DYRK1A: variants seen among roughly 807,000 people sequenced by gnomAD.
DYRK1A encodes dual specificity tyrosine phosphorylation regulated kinase 1A, also known as dual specificity tyrosine-phosphorylation-regulated kinase 1A.
DYRK1A carries 9 observed loss-of-function variants against 79.7 expected under a neutral mutation model. That is an observed-to-expected ratio of 0.11 (90% CI 0.07 to 0.20). DYRK1A has a LOEUF of 0.20. Among genes scored for constraint, DYRK1A ranks in the 10% least tolerant of loss-of-function variants. The pLI is 1.00. For missense variants in DYRK1A, 622 were observed against 956.0 expected (o/e 0.65, Z 4.61); for synonymous variants, 349 against 329.7 (o/e 1.06, Z -0.63).
chr21:37,465,111 C>G (rs531865849), intron 2 of DYRK1A, among the ~76,000 whole-genome samples: 2 of 152,276 alleles, frequency 1.3e-5, no homozygotes, highest in South Asian at 4.1e-4. Context: ...ACCATGTTTA[C>G]CAGCAGTCCT....
In DYRK1A at chr21:37,464,986, A is replaced by G. The variant is rs530020412; in HGVS notation, c.11-7698A>G. On this transcript the variant is annotated intron_variant, in intron 2 of 11. Coordinates refer to ENST00000647188, the MANE Select transcript of DYRK1A (RefSeq NM_001347721.2). Reference sequence around the variant, plus strand: ...AGGAATGAATGAATGGATAACTTAAATACTTTTTGGTGTTGCAGGAGGAAA... The same window carrying G: ...AGGAATGAATGAATGGATAACTTAAGTACTTTTTGGTGTTGCAGGAGGAAA... 1.8e-4 allele frequency among the ~76,000 whole-genome samples: 28 copies of G among 152,344 alleles called. No homozygotes were observed. The South Asian group carries it at 5.8e-3, about 32-fold the overall frequency.
chr21:37,433,862 T>TA (rs2050847262), intron 2 of DYRK1A, among the ~76,000 whole-genome samples: 1 of 152,232 alleles, frequency 6.6e-6, no homozygotes, highest in Admixed American at 6.5e-5. Context: ...TGTGGGATCT[T>TA]ACGCATTATG....
chr21:37,388,197 C>G (rs1159607475), intron 1 of DYRK1A, among the ~76,000 whole-genome samples: 1 of 150,310 alleles, frequency 6.7e-6, no homozygotes, highest in East Asian at 2.0e-4. Context: ...GTGATGCCAC[C>G]TCAGCCTCCC....
At chr21:37,481,919 C>T (rs892690984) in intron 5 of DYRK1A, among the ~76,000 whole-genome samples, 3 of 152,192 alleles carry the variant, frequency 2.0e-5, no homozygotes, top group South Asian at 4.1e-4. Context: ...GTCCTTCTAT[C>T]ACATTGAGTC....
At chr21:37,487,984 G>C (rs192456252) in intron 6 of DYRK1A, 1 of 152,044 alleles carries the variant, frequency 6.6e-6, no homozygotes, top group Admixed American at 6.5e-5. Flanking sequence ...CTCTGAACAT[G>C]CCTCCTGCCT....
chr21:37,412,638 G>C (rs527769683), intron 1 of DYRK1A, among the ~76,000 whole-genome samples: 1 of 152,276 alleles, frequency 6.6e-6, no homozygotes, highest in South Asian at 2.1e-4. Flanking sequence ...ACTAAAGTGA[G>C]CATGGAGAGG....
At chr21:37,461,684 T>G (rs983947370) in intron 2 of DYRK1A, among the ~76,000 whole-genome samples, 2 of 152,148 alleles carry the variant, frequency 1.3e-5, no homozygotes, top group Non-Finnish European at 2.9e-5. Context: ...TTTTCATCAT[T>G]TAAAGATGTT....
rs758727805 is a variant in DYRK1A, at chr21:37,490,187, G to A, written c.650G>A (p.Arg217His). The A allele has an allele frequency of 5.6e-6, 9 of 1,611,102 alleles. No homozygotes were observed. Among genetic ancestry groups the A allele is most frequent in the East Asian group, 2.2e-5 (1 of 44,814 alleles). Residue 217 changes from arginine (R) to histidine (H), a missense_variant, in exon 7 of 12, where the codon CGC (arginine) becomes CAC (histidine). Transcript: ENST00000647188. ...TTTTCTCTTTCAGTGCATTTGAAACGCCACTTTATGTTTCGAAACCATCTC... is the reference window on the plus strand; with the variant it reads ...TTTTCTCTTTCAGTGCATTTGAAACACCACTTTATGTTTCGAAACCATCTC... ...EMKYYIVHLK[R>H]HFMFRNHLCL...
At chr21:37,510,950 T>G (rs955423884) in intron 11 of DYRK1A, among the ~76,000 whole-genome samples, 4 of 152,066 alleles carry the variant, frequency 2.6e-5, no homozygotes, top group African/African-American at 9.7e-5. Context: ...CTGCCACAGT[T>G]GTTGAGGCAG....
At chr21:37,432,897 AC>A (rs2050816044) in intron 2 of DYRK1A, among the ~76,000 whole-genome samples, 1 of 151,550 alleles carries the variant, frequency 6.6e-6, no homozygotes, top group Non-Finnish European at 1.5e-5. Flanking sequence ...AATAGCTTGA[AC>A]CCAGGAGGCG....
rs369249065 is a variant in DYRK1A at position 37,427,282 on chromosome 21, C to A, written c.10+6898C>A. Among the ~76,000 whole-genome samples, 22 of 152,072 alleles carry A rather than the reference C, an allele frequency of 1.4e-4. 1 individual carries two copies. The highest frequency in any genetic ancestry group is 1.3e-3 in the Admixed American group (20 of 15,270). On this transcript the variant is annotated intron_variant, in intron 2 of 11. Coordinates refer to ENST00000647188, the MANE Select transcript of DYRK1A (RefSeq NM_001347721.2). ...ACGTGCTGCCACACCTGGCTAACTT[C>A]TTTATTTTTATTTCTGTAGAGATGT... is the stretch of plus-strand genomic sequence containing the variant.
In DYRK1A at chr21:37,493,642, T is replaced by C. The variant is rs144937263; in HGVS notation, c.1071+479T>C. 5.0e-3 allele frequency among the ~76,000 whole-genome samples: 756 copies of C among 152,288 alleles called. 5 individuals carry two copies. The highest frequency in any genetic ancestry group is 0.044 in the Middle Eastern group (13 of 294). ...TGTGCAGTTCTGAAGTCTACAGGTT[T>C]TCAGTCTGTGTTCTGGAAGATTTTT... On this transcript the variant is annotated intron_variant, in intron 8 of 11. Transcript: ENST00000647188.
At chr21:37,494,835 T>C (rs564732460) in intron 8 of DYRK1A, among the ~76,000 whole-genome samples, 1 of 151,322 alleles carries the variant, frequency 6.6e-6, no homozygotes, top group South Asian at 2.1e-4. Context: ...GTAATCCCAG[T>C]TACTTGGGAG....
At position 37,464,981 on chromosome 21, in the gene DYRK1A, C is replaced by T. The variant is rs186555366; in HGVS notation, c.11-7703C>T. Reference sequence around the variant, plus strand: ...AGGAAAGGAATGAATGAATGGATAACTTAAATACTTTTTGGTGTTGCAGGA... The same window carrying T: ...AGGAAAGGAATGAATGAATGGATAATTTAAATACTTTTTGGTGTTGCAGGA... On this transcript the variant is annotated intron_variant, in intron 2 of 11. Transcript: ENST00000647188. Among the ~76,000 whole-genome samples the T allele has an allele frequency of 7.2e-5, 11 of 152,288 alleles. No homozygotes were observed. The East Asian group carries it at 1.9e-3, about 27-fold the overall frequency.
intron 3 of DYRK1A, 24 bp downstream of exon 3, chr21:37,472,904 TG>T: frequency 6.9e-7 from 1 of 1,458,874 alleles, no homozygotes; most frequent in Non-Finnish European, 9.2e-7. Flanking sequence ...GTATCAGAAA[TG>T]ACTATTGGAA....
chr21:37,459,725 C>T (rs376983362), intron 2 of DYRK1A, among the ~76,000 whole-genome samples: 1 of 152,178 alleles, frequency 6.6e-6, no homozygotes, highest in African/African-American at 2.4e-5. Flanking sequence ...GCTTCAGCAG[C>T]TGTCATCTGG....
chr21:37,477,786 C>T (rs575148877), intron 3 of DYRK1A, among the ~76,000 whole-genome samples: 1 of 152,280 alleles, frequency 6.6e-6, no homozygotes, highest in East Asian at 1.9e-4. Context: ...AAAGTTGCCT[C>T]TGAGGGCTGG....
chr21:37,463,270 TAAGA>T (rs1224543938), intron 2 of DYRK1A, among the ~76,000 whole-genome samples: 1 of 150,526 alleles, frequency 6.6e-6, no homozygotes, highest in Non-Finnish European at 1.5e-5. Context: ...TAGAGGGTAA[TAAGA>T]AAGCAGTTCA....
At chr21:37,459,506 T>G (rs955853157) in intron 2 of DYRK1A, among the ~76,000 whole-genome samples, 1 of 111,744 alleles carries the variant, frequency 8.9e-6, no homozygotes, top group African/African-American at 3.4e-5. Flanking sequence ...CTTGTAGATT[T>G]TTGAAAGTAC....
Sources: allele counts gnomAD v4.1 joint callset (sites outside exome capture counted in the v4.1 genomes callset), GRCh38; gene constraint gnomAD v4.1.1; transcripts MANE v1.5; gene names NCBI Gene and HGNC (gene_info 2026-07-23, HGNC 2026-07-21).